The following MAST1 variants were observed in gnomAD, a reference collection of about 807,000 sequenced individuals.
The protein encoded by MAST1 is microtubule-associated serine/threonine-protein kinase 1.
MAST1 carries 40 observed loss-of-function variants against 124.6 expected under a neutral mutation model. The ratio of observed to expected loss-of-function variants is 0.32; its 90% CI spans 0.25 to 0.42. The LOEUF (loss-of-function observed/expected upper bound fraction) is 0.42, where lower values mean the gene tolerates loss of function less well. Among genes scored for constraint, MAST1 ranks in the 10% least tolerant of loss-of-function variants. The pLI is 1.00. For synonymous variants in MAST1, 938 were observed against 939.4 expected (o/e 1.00, Z 0.03); for missense variants, 1,558 against 2,181.9 (o/e 0.71, Z 5.70).
At position 12,847,771 on chromosome 19, in the gene MAST1, C is replaced by A; in HGVS notation, c.565-77C>A. 1 of 1,584,208 alleles carries A rather than the reference C, an allele frequency of 6.3e-7. No individual in the cohort carries two copies. Among genetic ancestry groups the A allele is most frequent in the Non-Finnish European group, 8.6e-7 (1 of 1,162,236 alleles). On this transcript the variant is annotated intron_variant, in intron 6 of 25. Coordinates refer to ENST00000251472, the MANE Select transcript of MAST1 (RefSeq NM_014975.3). This position sits in a 1 kb window ranked among gnomAD's most constrained non-coding sequence, Gnocchi z 5.5. ...TTATCCCCGCGCGCCCCCTGGCGGC[C>A]TCGGTGCGCAGCGCAGGCTCCTGGC...
At position 12,852,024 on chromosome 19, in the gene MAST1, C is replaced by G; in HGVS notation, c.865C>G (p.Leu289Val). 7 of 1,614,064 alleles carry G rather than the reference C, an allele frequency of 4.3e-6. No individual in the cohort carries two copies. The highest frequency in any genetic ancestry group is 5.9e-6 in the Non-Finnish European group (7 of 1,180,016). Residue 289 changes from leucine (L) to valine (V), a missense_variant, in exon 8 of 26, where the codon CTG (leucine) becomes GTG (valine). Around this residue, in one of 10 missense-constraint regions of MAST1, gnomAD observed 165 missense variants for 315.3 expected, o/e 0.52. Coordinates refer to ENST00000251472, the MANE Select transcript of MAST1 (RefSeq NM_014975.3). Reference protein sequence around the residue: ...LIIISRPARLLECLEFNPEEF... With the variant: ...LIIISRPARLVECLEFNPEEF... ...TATCATCTCACGCCCTGCGAGGCTG[C>G]TGGAGTGCCTGGTGAGGGGGCTGGG... is the stretch of plus-strand genomic sequence containing the variant.
rs1970176938 is a variant in MAST1, at chr19:12,867,866, C to T, written c.2455C>T (p.Leu819=). The change falls in exon 20 of 26, where the codon CTG becomes TTG. Residue 819 remains leucine, a synonymous_variant. Coordinates refer to ENST00000251472, the MANE Select transcript of MAST1 (RefSeq NM_014975.3). ...CCAAGAGGACGAGGATGAGGCCCGG[C>T]TGCGCAGGCCTCCCCGGCCCAGCTC... ...APQEDEDEAR[L]RRPPRPSSDP... 6.2e-7 allele frequency: 1 copy of T among 1,606,946 alleles called. No individual in the cohort carries two copies. The highest frequency in any genetic ancestry group is 8.5e-7 in the Non-Finnish European group (1 of 1,177,338).
chr19:12,847,243 T>TG lies in MAST1; in HGVS notation c.328-41dup, dbSNP rs769475903. On this transcript the variant is annotated intron_variant, in intron 4 of 25. Transcript: ENST00000251472. The surrounding 1 kb of genome is among the most constrained non-coding windows in gnomAD (Gnocchi z 5.5). ...GTCCCAGCTCAGGGTCCTGAGCTGT[T>TG]GGGGGGCCCATGGTGGCTCTGACCC... 2.5e-5 allele frequency: 34 copies of TG among 1,372,818 alleles called. No individual in the cohort carries two copies. In the South Asian group the frequency reaches 3.1e-4, roughly 12 times the overall value. 85.0% of individuals were successfully genotyped at this position (1,372,818 alleles called of 1,614,324 possible). A position where few individuals can be genotyped will look rare whatever the true frequency, so the allele number is the denominator to read the frequency against.
intron 2 of MAST1, 102 bp downstream of exon 2, chr19:12,840,636 A>G (rs373490550): frequency 7.6e-5 from 64 of 847,212 alleles, no homozygotes; most frequent in East Asian, 5.6e-4. Flanking sequence ...CGCAGTTTGA[A>G]TGGAGGCGAA....
chr19:12,874,242 C>T lies in MAST1; in HGVS notation c.4085C>T (p.Ser1362Phe), dbSNP rs1359279401. The change falls in exon 26 of 26, where the codon TCC (serine) becomes TTC (phenylalanine). Residue 1362 changes from serine to phenylalanine, a missense_variant. Ser to Phe is a radical substitution (Grantham distance 155, BLOSUM62 -2). Coordinates refer to ENST00000251472, the MANE Select transcript of MAST1 (RefSeq NM_014975.3). The surrounding 1 kb of genome is among the most constrained non-coding windows in gnomAD (Gnocchi z 6.6). ...CCAGTGTCGAGCAAGGAGAAGGAAT[C>T]CCCGGGGGGCGCCGAGGCGTGCACC... ...RPPVSSKEKE[S>F]PGGAEACTPP... 2.6e-6 allele frequency: 4 copies of T among 1,557,708 alleles called. No homozygotes were observed. The highest frequency in any genetic ancestry group is 3.5e-6 in the Non-Finnish European group (4 of 1,155,332).
At chr19:12,868,491 T>G (rs968152329) in intron 20 of MAST1, 152 bp from the exon 21 acceptor site, 3 of 634,938 alleles carry the variant, frequency 4.7e-6, no homozygotes, top group Non-Finnish European at 8.3e-6. Context: ...TGTCTCTATA[T>G]GAGGAGCAGT....
chr19:12,870,825 A>T lies in MAST1; in HGVS notation c.3005A>T (p.His1002Leu). Residue 1002 changes from histidine (H) to leucine (L), a missense_variant and splice_region_variant, in exon 23 of 26, where the codon CAT (histidine) becomes CTT (leucine). Around this residue, in one of 10 missense-constraint regions of MAST1, gnomAD observed 291 missense variants for 475.8 expected, o/e 0.61. Transcript: ENST00000251472. ...DVYSVHHIVW[H>L]VEEGGPAQEA... Reference sequence around the variant, plus strand: ...CCCTATGGGGTGCTCTTTTCCCAGCATGTGGAGGAAGGAGGCCCAGCCCAG... The same window carrying T: ...CCCTATGGGGTGCTCTTTTCCCAGCTTGTGGAGGAAGGAGGCCCAGCCCAG... 1 of 1,602,948 alleles carries T rather than the reference A, an allele frequency of 6.2e-7. No homozygotes were observed. The highest frequency in any genetic ancestry group is 8.5e-7 in the Non-Finnish European group (1 of 1,173,752).
chr19:12,857,378 G>A (rs569000983), intron 10 of MAST1, among the ~76,000 whole-genome samples: 38 of 150,220 alleles, frequency 2.5e-4, no homozygotes, highest in Non-Finnish European at 4.7e-4. Context: ...CAAAGTGCTG[G>A]GGTTACAAGC....
rs1037755007 is a variant in MAST1 at position 12,847,101 on chromosome 19, C to T, written c.328-189C>T. On this transcript the variant is annotated intron_variant, in intron 4 of 25. Coordinates refer to ENST00000251472, the MANE Select transcript of MAST1 (RefSeq NM_014975.3). The surrounding 1 kb of genome is among the most constrained non-coding windows in gnomAD (Gnocchi z 5.5). ...TTTAACAGACTCACTGTCTCCACCC[C>T]TGTCTGTCCCTGTCCACCTGTCTGT... 8.5e-6 allele frequency: 5 copies of T among 590,306 alleles called. No homozygotes were observed. Among genetic ancestry groups the T allele is most frequent in the African/African-American group, 5.6e-5 (3 of 53,554 alleles). 36.6% of individuals were successfully genotyped at this position (590,306 alleles called of 1,614,324 possible).
chr19:12,864,393 C>CAAAA (rs35351874), intron 12 of MAST1, among the ~76,000 whole-genome samples: 8 of 118,468 alleles, frequency 6.8e-5, no homozygotes, highest in Non-Finnish European at 9.3e-5. Context: ...GACCCTGTCT[C>CAAAA]AAAAAAAAAA....
At chr19:12,855,520 G>T (rs1411592426) in intron 10 of MAST1, among the ~76,000 whole-genome samples, 1 of 152,130 alleles carries the variant, frequency 6.6e-6, no homozygotes, top group African/African-American at 2.4e-5. Flanking sequence ...GCTGAGTGGG[G>T]GTGGTCCTGT....
chr19:12,873,319 C>A lies in MAST1; in HGVS notation c.3264-5C>A, dbSNP rs376850771. 3 of 1,611,224 alleles carry A rather than the reference C, an allele frequency of 1.9e-6. No homozygotes were observed. Among genetic ancestry groups the A allele is most frequent in the Admixed American group, 3.3e-5 (2 of 59,916 alleles). On this transcript the variant is annotated splice_polypyrimidine_tract_variant and splice_region_variant and intron_variant, in intron 24 of 25. Transcript: ENST00000251472. ...AGGACGCTTGGCCCCCTCCCTGTCC[C>A]GCAGCAAGAAGCGCAGCTCCCTCTT...
In MAST1 at chr19:12,866,749, C is replaced by T. The variant is rs1441244840; in HGVS notation, c.2126C>T (p.Pro709Leu). The part of the protein sequence containing the change: ...VEIRQFSSCS[P>L]RFSKVYSSME... ...ATCCGCCAGTTCTCTTCCTGCTCTCCGCGCTTCAGCAAGGTGGGCCAAGTC... is the reference window on the plus strand; with the variant it reads ...ATCCGCCAGTTCTCTTCCTGCTCTCTGCGCTTCAGCAAGGTGGGCCAAGTC... Residue 709 changes from proline to leucine, a missense_variant, in exon 18 of 26, where the codon CCG becomes CTG. Pro to Leu is a moderately conservative substitution (Grantham distance 98). Transcript: ENST00000251472. The surrounding 1 kb of genome is among the most constrained non-coding windows in gnomAD (Gnocchi z 5.2). 5.0e-6 allele frequency: 8 copies of T among 1,613,270 alleles called. No individual in the cohort carries two copies. Among genetic ancestry groups the T allele is most frequent in the Admixed American group, 1.7e-5 (1 of 59,946 alleles).
chr19:12,867,139 A>C (rs1337449669), intron 18 of MAST1, among the ~76,000 whole-genome samples: 3 of 152,170 alleles, frequency 2.0e-5, no homozygotes, highest in African/African-American at 7.2e-5. Flanking sequence ...GAGAAGCCAT[A>C]GGCCTTGCTT....
chr19:12,842,565 T>A (rs1354809203), intron 3 of MAST1, among the ~76,000 whole-genome samples: 1 of 152,138 alleles, frequency 6.6e-6, no homozygotes, highest in Non-Finnish European at 1.5e-5. Flanking sequence ...AATGCTAGGA[T>A]TACAGGCATG....
Position 12,843,752 on chromosome 19 carries a change from G to C in MAST1, c.327+145G>C. 1 of 678,040 alleles carries C rather than the reference G, an allele frequency of 1.5e-6. No individual in the cohort carries two copies. Among genetic ancestry groups the C allele is most frequent in the Admixed American group, 2.8e-5 (1 of 35,242 alleles). The allele number at this position is 678,040 out of a possible 1,614,324, so 42.0% of individuals were successfully genotyped here. A position where few individuals can be genotyped will look rare whatever the true frequency, so the allele number is the denominator to read the frequency against. ...TCAGTGACTCAAGCCTGTAATCCCA[G>C]TACTTTGGGAGGCCAAGACAGAAGG... is the stretch of plus-strand genomic sequence containing the variant. On this transcript the variant is annotated intron_variant, in intron 4 of 25. Coordinates refer to ENST00000251472, the MANE Select transcript of MAST1 (RefSeq NM_014975.3). The surrounding 1 kb of genome is among the most constrained non-coding windows in gnomAD (Gnocchi z 4.9).
chr19:12,864,357 G>A (rs899820040), intron 12 of MAST1, among the ~76,000 whole-genome samples: 3 of 148,602 alleles, frequency 2.0e-5, no homozygotes, highest in South Asian at 2.1e-4. Flanking sequence ...TCTTGCCACC[G>A]CACTCTAGAC....
At chr19:12,849,063 A>G (rs1176279232) in intron 7 of MAST1, 5 of 152,164 alleles carry the variant, frequency 3.3e-5, no homozygotes, top group African/African-American at 1.2e-4. Context: ...CATCCATCAT[A>G]CTGTGTATTT....
At chr19:12,863,833 A>G (rs1284470242) in intron 12 of MAST1, among the ~76,000 whole-genome samples, 2 of 152,150 alleles carry the variant, frequency 1.3e-5, no homozygotes, top group Non-Finnish European at 2.9e-5. Context: ...GCAGTGGCCA[A>G]CACTTTGGGA....
Sources: gnomAD v4.1 joint callset for allele counts (sites outside exome capture counted in the v4.1 genomes callset) on GRCh38, gnomAD v4.1.1 for gene constraint, gnomAD v4.1.1 regional missense constraint, Gnocchi (gnomAD v3.1) non-coding constraint, MANE v1.5 for transcripts, NCBI Gene and HGNC (gene_info 2026-07-23, HGNC 2026-07-21) for gene names.